Variants in FANCA observed in about 807,000 individuals in gnomAD.
FANCA encodes FA complementation group A, also known as Fanconi anemia group A protein.
In FANCA, 236 loss-of-function variants were observed where a neutral mutation model predicts 194.3. The observed-to-expected ratio is 1.21, with a 90% CI of 1.09 to 1.35. FANCA has a LOEUF of 1.35. Ranked by LOEUF, FANCA falls within the 40% of genes most tolerant of loss-of-function variation. The pLI is 0.00. For missense variants in FANCA, 2,628 were observed against 1,813.9 expected, an observed-to-expected ratio of 1.45 and a Z score of -8.15; for synonymous variants, 1,014 against 715.8, an observed-to-expected ratio of 1.42 and a Z score of -6.65.
intron 29 of FANCA, 38 bp from the exon 30 acceptor site, chr16:89,758,743 C>T (rs761968955): frequency 1.9e-6 from 3 of 1,610,190 alleles, no homozygotes; most frequent in Non-Finnish European, 1.7e-6. Flanking sequence ...CTGAGAAATG[C>T]TTCGTGGCCA....
At chr16:89,815,372 A>G (rs2041068148) in intron 2 of FANCA, among the ~76,000 whole-genome samples, 1 of 101,428 alleles carries the variant, frequency 9.9e-6, no homozygotes, top group Admixed American at 1.5e-4. Context: ...TTTTTGTGAG[A>G]CAGTCTCACT....
chr16:89,778,593 A>C (rs2039593338), intron 20 of FANCA: 1 of 533,586 alleles, frequency 1.9e-6, no homozygotes, highest in African/African-American at 2.2e-5. Context: ...TCGCCTCTGC[A>C]CTCCAAGCCT....
intron 2 of FANCA, 90 bp downstream of exon 2, chr16:89,815,787 C>G: frequency 9.2e-7 from 1 of 1,087,072 alleles, no homozygotes; most frequent in African/African-American, 1.5e-5. Context: ...CCCGCCGCCT[C>G]GGGTGTTTTC....
Position 89,805,345 on chromosome 16 carries a change from C to T in FANCA, c.644G>A (p.Cys215Tyr), listed in dbSNP as rs555784791. 39 of 1,614,056 alleles carry T rather than the reference C, an allele frequency of 2.4e-5. No individual in the cohort carries two copies. In the South Asian group the frequency reaches 4.2e-4, roughly 17 times the overall value. ...TGCTTCCATCTGTTCACAAAGGCAG[C>T]ACAGATTCCTGAAGAGCCACGATCC... is the stretch of plus-strand genomic sequence containing the variant. ...AVGSWLFRNL[C>Y]CLCEQMEASC... Residue 215 changes from cysteine to tyrosine, a missense_variant, in exon 7 of 43, where the codon TGC becomes TAC. By Grantham distance (194) the Cys-to-Tyr change is radical. Transcript: ENST00000389301.
chr16:89,798,973 A>C (rs1332967746), intron 10 of FANCA, 193 bp downstream of exon 10: 2 of 1,613,196 alleles, frequency 1.2e-6, no homozygotes, highest in Middle Eastern at 1.7e-4. Flanking sequence ...TCCTCACAGG[A>C]AAAGGCTGAC....
At chr16:89,798,923 G>A in intron 10 of FANCA, 2 of 1,602,756 alleles carry the variant, frequency 1.2e-6, no homozygotes, top group East Asian at 2.2e-5. Flanking sequence ...ACTTCCAGAG[G>A]CGGAACAGGA....
chr16:89,792,686 CAA>C (rs1230014431), intron 11 of FANCA, 139 bp from the exon 12 acceptor site: 6 of 718,356 alleles, frequency 8.4e-6, no homozygotes, highest in Admixed American at 2.1e-5. Flanking sequence ...AGATACAAGA[CAA>C]AGAGATAAAA....
chr16:89,794,661 T>A (rs529211722), intron 11 of FANCA, among the ~76,000 whole-genome samples: 1 of 152,280 alleles, frequency 6.6e-6, no homozygotes, highest in Non-Finnish European at 1.5e-5. Context: ...ACAGCACCTG[T>A]TGGGAGCCAT....
chr16:89,794,861 C>G (rs1467632172), intron 11 of FANCA, among the ~76,000 whole-genome samples: 1 of 152,300 alleles, frequency 6.6e-6, no homozygotes, highest in East Asian at 1.9e-4. Context: ...AACACGCCAC[C>G]GAGTCTAGCT....
intron 36 of FANCA, among the ~76,000 whole-genome samples, chr16:89,744,321 C>A (rs188711159): frequency 1.3e-5 from 2 of 152,310 alleles, no homozygotes; most frequent in South Asian, 2.1e-4. Context: ...ACTAGCAGTG[C>A]CCTCTGACGA....
chr16:89,812,532 G>A (rs566196023), intron 3 of FANCA, among the ~76,000 whole-genome samples: 1 of 150,800 alleles, frequency 6.6e-6, no homozygotes, highest in African/African-American at 2.4e-5. Context: ...TGTAATACCA[G>A]CTACTCAGGA....
rs1435291053 is a variant in FANCA, at chr16:89,810,960, C to T, written c.395G>A (p.Ser132Asn). ...CTCCACAGTCAGCAGCACAGGGTGA[C>T]TGGTCTCCGCTGGAGCCGTGCAGAT... ...GQICTAPAET[S>N]HPVLLTVEQR... is the part of the protein sequence containing the mutation. The change falls in exon 4 of 43, where the codon AGT (serine) becomes AAT (asparagine). Residue 132 changes from serine (S) to asparagine (N), a missense_variant. Transcript: ENST00000389301. The T allele has an allele frequency of 6.2e-7, 1 of 1,614,018 alleles. No individual in the cohort carries two copies. The highest frequency in any genetic ancestry group is 8.5e-7 in the Non-Finnish European group (1 of 1,180,056).
chr16:89,756,083 TA>T (rs1294697035), intron 30 of FANCA, among the ~76,000 whole-genome samples: 8 of 152,086 alleles, frequency 5.3e-5, no homozygotes, highest in Admixed American at 1.3e-4. Flanking sequence ...AAACACAGTT[TA>T]AAAAAAAGGT....
chr16:89,779,012 C>A lies in FANCA; in HGVS notation c.1716-9G>T. ...AAGGCCTCCTGAATATGCTGCAACA[C>A]AGAGAAGCAGACAGTGCATCAGTCA... is the stretch of plus-strand genomic sequence containing the variant. On this transcript the variant is annotated splice_polypyrimidine_tract_variant and intron_variant, in intron 18 of 42. Transcript: ENST00000389301. 5.0e-6 allele frequency: 8 copies of A among 1,612,796 alleles called. No individual in the cohort carries two copies. Among genetic ancestry groups the A allele is most frequent in the Non-Finnish European group, 5.9e-6 (7 of 1,179,876 alleles).
In FANCA at chr16:89,813,816, G is replaced by GTT. The variant is rs761604675; in HGVS notation, c.283+703_283+704insAA. Among the ~76,000 whole-genome samples, 473 of 151,884 alleles carry GTT rather than the reference G, an allele frequency of 3.1e-3. 3 individuals carry two copies. Among genetic ancestry groups the GTT allele is most frequent in the South Asian group, 0.016 (78 of 4,798 alleles). On this transcript the variant is annotated intron_variant, in intron 3 of 42. Coordinates refer to ENST00000389301, the MANE Select transcript of FANCA (RefSeq NM_000135.4). ...TCTACAAGTCTTTTACTGTGTGTGT[G>GTT]TGTGTGTGTGTGTGTGTCCGTGTGC...
intron 14 of FANCA, among the ~76,000 whole-genome samples, chr16:89,788,938 C>G (rs966113008): frequency 6.6e-6 from 1 of 152,064 alleles, no homozygotes; most frequent in African/African-American, 2.4e-5. Context: ...CAAAACACCA[C>G]CACCAACACA....
At chr16:89,800,253 G>C (rs1276108452) in intron 8 of FANCA, among the ~76,000 whole-genome samples, 2 of 152,194 alleles carry the variant, frequency 1.3e-5, no homozygotes. Flanking sequence ...TGGAACTAAG[G>C]ACTTTCACCC....
intron 18 of FANCA, 90 bp from the exon 19 acceptor site, chr16:89,779,093 G>A: frequency 8.1e-7 from 1 of 1,239,480 alleles, no homozygotes; most frequent in Admixed American, 1.9e-5. Context: ...AGAGTGGACT[G>A]CGAGGGCTCA....
chr16:89,792,394 C>G (rs994060610), intron 12 of FANCA, 77 bp downstream of exon 12: 3 of 1,455,060 alleles, frequency 2.1e-6, no homozygotes, highest in Non-Finnish European at 1.9e-6. Context: ...CCACGGCAGG[C>G]AGCATGACAA....
Sources: allele counts gnomAD v4.1 joint callset (sites outside exome capture counted in the v4.1 genomes callset), GRCh38; gene constraint gnomAD v4.1.1; transcripts MANE v1.5; gene names NCBI Gene and HGNC (gene_info 2026-07-23, HGNC 2026-07-21).